The following MRPL45 variants were observed in gnomAD, a reference collection of about 807,000 sequenced individuals.
MRPL45 encodes large ribosomal subunit protein mL45.
In MRPL45, 20 loss-of-function variants were observed where a neutral mutation model predicts 38.1. The ratio of observed to expected loss-of-function variants is 0.53; its 90% CI spans 0.37 to 0.76. The LOEUF (loss-of-function observed/expected upper bound fraction) is 0.76. Among genes scored for constraint, MRPL45 ranks in the 30% least tolerant of loss-of-function variants. The probability of loss-of-function intolerance (pLI) is 0.00; values close to 1 mark genes in which losing one functional copy is unlikely to be tolerated. For missense variants in MRPL45, 337 were observed against 395.6 expected (o/e 0.85, Z 1.26); for synonymous variants, 105 against 128.8 (o/e 0.82, Z 1.25).
chr17:38,314,379 C>T (rs1436006395), intron 4 of MRPL45, among the ~76,000 whole-genome samples: 1 of 152,240 alleles, frequency 6.6e-6, no homozygotes, highest in Non-Finnish European at 1.5e-5. Context: ...GCTGGGATTA[C>T]AGGCGTGAGC....
chr17:38,313,303 A>AG (rs1318794528), intron 4 of MRPL45, among the ~76,000 whole-genome samples: 1 of 18,376 alleles, frequency 5.4e-5, no homozygotes, highest in East Asian at 1.3e-3. Flanking sequence ...CTATTAAAAA[A>AG]AAAAAAAAAT....
chr17:38,309,701 C>T (rs1304048462), intron 4 of MRPL45, among the ~76,000 whole-genome samples: 4 of 151,578 alleles, frequency 2.6e-5, no homozygotes, highest in Admixed American at 1.3e-4. Flanking sequence ...TCAAGCAATC[C>T]TTCCACCTCA....
chr17:38,318,573 G>A, intron 4 of MRPL45, 114 bp from the exon 5 acceptor site: 1 of 756,808 alleles, frequency 1.3e-6, no homozygotes, highest in South Asian at 1.6e-5. Context: ...TATACTAGAT[G>A]TGCCGAAAAC....
At chr17:38,318,599 T>C (rs2037197612) in intron 4 of MRPL45, 88 bp from the exon 5 acceptor site, 1 of 956,718 alleles carries the variant, frequency 1.0e-6, no homozygotes, top group African/African-American at 1.6e-5. Flanking sequence ...TAAAAATGAA[T>C]TGTTTTCCAT....
intron 3 of MRPL45, among the ~76,000 whole-genome samples, chr17:38,300,492 T>C (rs1161125609): frequency 6.6e-6 from 1 of 152,150 alleles, no homozygotes; most frequent in Non-Finnish European, 1.5e-5. Flanking sequence ...TCTATCTTTT[T>C]TTTTAAATTT....
intron 4 of MRPL45, among the ~76,000 whole-genome samples, chr17:38,315,100 G>A (rs375211267): frequency 1.3e-5 from 2 of 152,192 alleles, no homozygotes; most frequent in African/African-American, 4.8e-5. Context: ...TAAACCAAAA[G>A]TACAGTAATA....
chr17:38,315,016 C>T (rs1454480244), intron 4 of MRPL45, among the ~76,000 whole-genome samples: 1 of 152,168 alleles, frequency 6.6e-6, no homozygotes, highest in African/African-American at 2.4e-5. Flanking sequence ...CCTTGGGTGC[C>T]CATTACATCA....
rs1237146224 is a variant in MRPL45, at chr17:38,298,063, C to G, written c.67-386C>G. Among the ~76,000 whole-genome samples the G allele has an allele frequency of 5.3e-5, 8 of 152,168 alleles. No individual in the cohort carries two copies. The East Asian group carries it at 1.5e-3, about 29-fold the overall frequency. On this transcript the variant is annotated intron_variant, in intron 1 of 7. Transcript: ENST00000613675. Reference sequence around the variant, plus strand: ...AGTGAACCGTGATCGTGCCATCGCACTCTAGGCTAGCGATCTGCCTCAAAA... The same window carrying G: ...AGTGAACCGTGATCGTGCCATCGCAGTCTAGGCTAGCGATCTGCCTCAAAA...
chr17:38,306,640 A>G lies in MRPL45; in HGVS notation c.461+9A>G, dbSNP rs1432111864. The G allele has an allele frequency of 1.1e-5, 17 of 1,613,252 alleles. No individual in the cohort carries two copies. The highest frequency in any genetic ancestry group is 1.4e-5 in the Non-Finnish European group (16 of 1,179,788). Reference sequence around the variant, plus strand: ...CACCTTTGTCTAAATAAGTAAGTGAACTCCCTATCTTTACCCATTCTGTTC... The same window carrying G: ...CACCTTTGTCTAAATAAGTAAGTGAGCTCCCTATCTTTACCCATTCTGTTC... On this transcript the variant is annotated intron_variant, in intron 4 of 7. Coordinates refer to ENST00000613675, the MANE Select transcript of MRPL45 (RefSeq NM_032351.6).
intron 3 of MRPL45, among the ~76,000 whole-genome samples, chr17:38,300,259 A>G (rs1205298393): frequency 1.3e-5 from 2 of 150,162 alleles, no homozygotes; most frequent in African/African-American, 4.9e-5. Flanking sequence ...CTCGTGATCC[A>G]CCCACCTCAG....
At chr17:38,304,599 A>G (rs868199306) in intron 3 of MRPL45, among the ~76,000 whole-genome samples, 3 of 152,248 alleles carry the variant, frequency 2.0e-5, no homozygotes, top group African/African-American at 7.2e-5. Flanking sequence ...GCTGGATTGC[A>G]GTGGCGCGAT....
Position 38,322,579 on chromosome 17 carries a change from A to C in MRPL45, c.905A>C (p.Lys302Thr). The C allele has an allele frequency of 6.2e-7, 1 of 1,612,858 alleles. No individual in the cohort carries two copies. Among genetic ancestry groups the C allele is most frequent in the Non-Finnish European group, 8.5e-7 (1 of 1,179,690 alleles). Residue 302 changes from lysine (K) to threonine (T), a missense_variant, in exon 8 of 8, where the codon AAG (lysine) becomes ACG (threonine). Lys to Thr is a moderately conservative substitution (Grantham distance 78, BLOSUM62 -1). Coordinates refer to ENST00000613675, the MANE Select transcript of MRPL45 (RefSeq NM_032351.6). ...EYEEAQGEAQ[K>T]PQLA ...GAAGAGGCACAAGGAGAGGCCCAGA[A>C]GCCTCAGCTAGCCTGATGACAAAAA... is the stretch of plus-strand genomic sequence containing the variant.
rs530350966 is a variant in MRPL45, at chr17:38,321,563, T to C, written c.661-563T>C. On this transcript the variant is annotated intron_variant, in intron 6 of 7. Transcript: ENST00000613675. ...AAAATTGGCCGGGCATCATGGTGTG[T>C]GCCCGTAGTCCCACCTACTCAGGAG... 1.7e-3 allele frequency among the ~76,000 whole-genome samples: 265 copies of C among 152,178 alleles called. 1 individual carries two copies. The highest frequency in any genetic ancestry group is 2.7e-3 in the Non-Finnish European group (187 of 68,014).
In MRPL45 at chr17:38,310,816, G is replaced by T. The variant is rs140280314; in HGVS notation, c.461+4185G>T. ...TTTTTAAATTTTTTGTAGAGACAGG[G>T]TCTTGCTATGTTGCCCAGGCTGGTC... is the stretch of plus-strand genomic sequence containing the variant. On this transcript the variant is annotated intron_variant, in intron 4 of 7. Coordinates refer to ENST00000613675, the MANE Select transcript of MRPL45 (RefSeq NM_032351.6). 7.9e-5 allele frequency among the ~76,000 whole-genome samples: 12 copies of T among 151,658 alleles called. No homozygotes were observed. In the East Asian group the frequency reaches 2.1e-3, roughly 27 times the overall value.
intron 3 of MRPL45, among the ~76,000 whole-genome samples, chr17:38,300,807 G>A (rs1236298404): frequency 7.2e-5 from 11 of 152,222 alleles, no homozygotes; most frequent in South Asian, 6.2e-4. Context: ...TTAGCCGGGC[G>A]TGGTGGCACA....
intron 4 of MRPL45, among the ~76,000 whole-genome samples, chr17:38,314,512 G>A (rs2144229778): frequency 6.6e-6 from 1 of 152,194 alleles, no homozygotes; most frequent in African/African-American, 2.4e-5. Flanking sequence ...TTTTCTTTTG[G>A]TGTCATATTC....
chr17:38,311,651 A>G (rs1467169450), intron 4 of MRPL45, among the ~76,000 whole-genome samples: 1 of 143,574 alleles, frequency 7.0e-6, no homozygotes, highest in Non-Finnish European at 1.5e-5. Context: ...GCACCACTGC[A>G]CTCCAGCCTG....
At position 38,320,780 on chromosome 17, in the gene MRPL45, G is replaced by A. The variant is rs1340477710; in HGVS notation, c.660+13G>A. On this transcript the variant is annotated intron_variant, in intron 6 of 7. Coordinates refer to ENST00000613675, the MANE Select transcript of MRPL45 (RefSeq NM_032351.6). ...GCACACCCGGCAGGTAGAGGCACTC[G>A]TCTGCCTTCCTCCCAGCTTTTTTTC... is the stretch of plus-strand genomic sequence containing the variant. 3.7e-6 allele frequency: 6 copies of A among 1,613,076 alleles called. No homozygotes were observed. Among genetic ancestry groups the A allele is most frequent in the Admixed American group, 1.7e-5 (1 of 59,988 alleles).
intron 3 of MRPL45, among the ~76,000 whole-genome samples, chr17:38,305,190 C>T (rs1214355121): frequency 1.5e-5 from 2 of 136,334 alleles, no homozygotes; most frequent in Admixed American, 1.5e-4. Context: ...CCAGTGTTGC[C>T]AGGTGCCATG....
Sources: allele counts gnomAD v4.1 joint callset (sites outside exome capture counted in the v4.1 genomes callset), GRCh38; gene constraint gnomAD v4.1.1; transcripts MANE v1.5; gene names NCBI Gene and HGNC (gene_info 2026-07-23, HGNC 2026-07-21).